Variants in WASF3 observed in about 807,000 individuals in gnomAD.
WASF3 encodes the protein actin-binding protein WASF3.
A neutral mutation model predicts 46.6 loss-of-function variants in WASF3; 11 were observed. The observed-to-expected ratio is 0.24, with a 90% CI of 0.15 to 0.39. The LOEUF (loss-of-function observed/expected upper bound fraction) is 0.39, where lower values mean the gene tolerates loss of function less well. WASF3 is among the 10% of genes least tolerant of loss of function. The probability of loss-of-function intolerance (pLI) is 1.00; values close to 1 mark genes in which losing one functional copy is unlikely to be tolerated. For missense variants in WASF3, 576 were observed against 669.8 expected (o/e 0.86, Z 1.55); for synonymous variants, 242 against 259.7 (o/e 0.93, Z 0.65).
intron 2 of WASF3, among the ~76,000 whole-genome samples, chr13:26,626,884 CAG>C (rs755894811): frequency 3.9e-5 from 6 of 152,276 alleles, no homozygotes; most frequent in Admixed American, 2.6e-4. Context: ...TGATAGAACT[CAG>C]GGGAGAAGTT....
chr13:26,550,063 T>C, the WASF3 span, among the ~76,000 whole-genome samples: 49 of 152,236 alleles, frequency 3.2e-4, no homozygotes, highest in African/African-American at 1.2e-3. Flanking sequence ...AAGCAATAAA[T>C]GAAGACAATA....
At chr13:26,617,322 C>T (rs1002252601) in intron 2 of WASF3, among the ~76,000 whole-genome samples, 36 of 151,780 alleles carry the variant, frequency 2.4e-4, no homozygotes, top group Admixed American at 2.1e-3. Context: ...GTTTTTGTTG[C>T]GTTCACCTTG....
At position 26,665,241 on chromosome 13, in the gene WASF3, T is replaced by C. The variant is rs113532925; in HGVS notation, c.268+79T>C. 3.2e-4 allele frequency: 487 copies of C among 1,504,128 alleles called. 4 individuals carry two copies. In the African/African-American group the frequency reaches 5.9e-3, roughly 18 times the overall value. The allele number at this position is 1,504,128 out of a possible 1,614,324, so 93.2% of individuals were successfully genotyped here. A position where few individuals can be genotyped will look rare whatever the true frequency, so the allele number is the denominator to read the frequency against. On this transcript the variant is annotated intron_variant, in intron 4 of 9. Transcript: ENST00000335327. ...TAATTAATTGCAGTGTAATTACTGC[T>C]TTTTCCTTGGGATGGCATGCTGATA...
At chr13:26,619,046 A>G (rs894214262) in intron 2 of WASF3, 1 of 152,058 alleles carries the variant, frequency 6.6e-6, no homozygotes, top group Non-Finnish European at 1.5e-5. Flanking sequence ...CATCTTTTTC[A>G]TCATTTCTGT....
intron 2 of WASF3, among the ~76,000 whole-genome samples, chr13:26,641,537 A>G (rs1489083336): frequency 2.6e-5 from 4 of 152,188 alleles, no homozygotes; most frequent in Non-Finnish European, 5.9e-5. Context: ...CCTCAAATCC[A>G]TCCTCCTGAC....
intron 9 of WASF3, among the ~76,000 whole-genome samples, chr13:26,683,504 G>T (rs1883307707): frequency 6.6e-6 from 1 of 151,152 alleles, no homozygotes; most frequent in African/African-American, 2.4e-5. Context: ...AAATTAGGAA[G>T]TTTTTACTTA....
intron 4 of WASF3, among the ~76,000 whole-genome samples, chr13:26,667,026 T>G (rs1037584277): frequency 6.6e-6 from 1 of 152,250 alleles, no homozygotes; most frequent in African/African-American, 2.4e-5. Context: ...TAGATACATG[T>G]TGAAAAGCTT....
chr13:26,549,130 C>T, the WASF3 span, among the ~76,000 whole-genome samples: 1 of 151,854 alleles, frequency 6.6e-6, no homozygotes, highest in East Asian at 1.9e-4. Flanking sequence ...TACAGAGACG[C>T]ACCACCACGC....
At chr13:26,591,467 A>G (rs1880291583) in intron 1 of WASF3, among the ~76,000 whole-genome samples, 1 of 151,942 alleles carries the variant, frequency 6.6e-6, no homozygotes, top group African/African-American at 2.4e-5. Flanking sequence ...CACTAGTAGG[A>G]TTTACTGGTG....
intron 6 of WASF3, among the ~76,000 whole-genome samples, chr13:26,674,914 T>C (rs891247186): frequency 6.6e-6 from 1 of 152,246 alleles, no homozygotes; most frequent in African/African-American, 2.4e-5. Flanking sequence ...TTTCTTTTGA[T>C]GAAAGATTGA....
At chr13:26,556,983 T>TTG (rs1879112181), upstream of WASF3, among the ~76,000 whole-genome samples, 1 of 150,268 alleles carries the variant, frequency 6.7e-6, no homozygotes, top group Non-Finnish European at 1.5e-5. Flanking sequence ...TTTCCTCCTT[T>TTG]CTTTTTCTTA....
At chr13:26,557,343 T>C (rs1485807909), upstream of WASF3, among the ~76,000 whole-genome samples, 1 of 152,150 alleles carries the variant, frequency 6.6e-6, no homozygotes, top group Non-Finnish European at 1.5e-5. Context: ...GATTAGGATA[T>C]AAGCGCAAAC....
intron 2 of WASF3, chr13:26,618,680 A>G (rs1593151567): frequency 6.6e-6 from 1 of 152,258 alleles, no homozygotes; most frequent in African/African-American, 2.4e-5. Flanking sequence ...GTTTATCTCT[A>G]TGTCAAACAG....
chr13:26,580,991 G>A (rs1474107760), intron 1 of WASF3, among the ~76,000 whole-genome samples: 1 of 148,758 alleles, frequency 6.7e-6, no homozygotes, highest in Non-Finnish European at 1.5e-5. Context: ...GGGTGCAGTG[G>A]TACAATCTTG....
chr13:26,569,807 TAATA>T (rs1364339062), intron 1 of WASF3, among the ~76,000 whole-genome samples: 4 of 152,190 alleles, frequency 2.6e-5, no homozygotes, highest in South Asian at 2.1e-4. Flanking sequence ...TTGGTGAGAT[TAATA>T]AATTAAAATA....
Position 26,677,920 on chromosome 13 carries a change from A to G in WASF3, c.716+1196A>G, listed in dbSNP as rs549531578. On this transcript the variant is annotated intron_variant, in intron 7 of 9. Coordinates refer to ENST00000335327, the MANE Select transcript of WASF3 (RefSeq NM_006646.6). Reference sequence around the variant, plus strand: ...AAAACGTATACTTTGTTTTTATCCTATATAGACTTTTCAAAAATAGATGCA... The same window carrying G: ...AAAACGTATACTTTGTTTTTATCCTGTATAGACTTTTCAAAAATAGATGCA... 8.5e-5 allele frequency among the ~76,000 whole-genome samples: 13 copies of G among 152,198 alleles called. No individual in the cohort carries two copies. In the East Asian group the frequency reaches 1.7e-3, roughly 20 times the overall value.
chr13:26,561,989 C>T (rs1879309360), intron 1 of WASF3, among the ~76,000 whole-genome samples: 1 of 152,098 alleles, frequency 6.6e-6, no homozygotes, highest in Non-Finnish European at 1.5e-5. Flanking sequence ...TTAAAGTGTA[C>T]TTTTTTCAAG....
intron 1 of WASF3, among the ~76,000 whole-genome samples, chr13:26,598,542 C>G (rs1182467574): frequency 6.6e-6 from 1 of 152,202 alleles, no homozygotes; most frequent in Non-Finnish European, 1.5e-5. Context: ...CTTGCTCTTC[C>G]TTTTGTCACA....
chr13:26,567,425 G>A (rs979043863), intron 1 of WASF3, among the ~76,000 whole-genome samples: 3 of 152,180 alleles, frequency 2.0e-5, no homozygotes, highest in African/African-American at 7.2e-5. Context: ...CAGCCTGTGG[G>A]CCACATCTGG....
Sources: allele counts gnomAD v4.1 joint callset (sites outside exome capture counted in the v4.1 genomes callset), GRCh38; gene constraint gnomAD v4.1.1; transcripts MANE v1.5; gene names NCBI Gene and HGNC (gene_info 2026-07-23, HGNC 2026-07-21).